RAB20: variants seen among roughly 807,000 people sequenced by gnomAD.
RAB20 encodes RAB20, member RAS oncogene family.
In RAB20, 2 loss-of-function variants were observed where a neutral mutation model predicts 3.7. The ratio of observed to expected loss-of-function variants is 0.54; its 90% CI spans 0.22 to 1.69. The LOEUF is 1.69. RAB20 is among the 40% of genes most tolerant of loss of function. The pLI, the probability that RAB20 is intolerant of heterozygous loss-of-function variation, is 0.19. For missense variants in RAB20, 276 were observed against 311.9 expected, an observed-to-expected ratio of 0.88 and a Z score of 0.87; for synonymous variants, 126 against 130.8, an observed-to-expected ratio of 0.96 and a Z score of 0.25.
rs331602 is a variant in RAB20, at chr13:110,555,308, C to T, written c.172+6040G>A. 0.22 allele frequency among the ~76,000 whole-genome samples: 33,234 copies of T among 152,156 alleles called. 3,744 individuals carry two copies. Among genetic ancestry groups the T allele is most frequent in the Middle Eastern group, 0.3 (87 of 294 alleles). ...AAATGAGGCTTGAATTCCTCTTCCA[C>T]GTGACAACCTTCCAACACTCAAAAA... On this transcript the variant is annotated intron_variant, in intron 1 of 1. Transcript: ENST00000267328. This position sits in a 1 kb window ranked among gnomAD's most constrained non-coding sequence, Gnocchi z 4.0.
chr13:110,538,253 A>G (rs559401567), intron 1 of RAB20, among the ~76,000 whole-genome samples: 35 of 150,088 alleles, frequency 2.3e-4, no homozygotes, highest in South Asian at 4.2e-4. Flanking sequence ...AAAAAAAAAA[A>G]AAAGAAAGAA....
rs150596161 is a variant in RAB20 at position 110,539,426 on chromosome 13, T to C, written c.173-15229A>G. On this transcript the variant is annotated intron_variant, in intron 1 of 1. Coordinates refer to ENST00000267328, the MANE Select transcript of RAB20 (RefSeq NM_017817.3). The stretch of plus-strand genomic sequence containing the variant: ...CTTTTTTCCTTTTTGAAAAAAAGAG[T>C]CCAAACCTAAAACTATTTCCAGTTA... 1.6e-3 allele frequency among the ~76,000 whole-genome samples: 250 copies of C among 152,188 alleles called. 4 individuals are homozygous for C. The East Asian group carries it at 0.043, about 26-fold the overall frequency.
At chr13:110,528,347 C>T (rs1233489342) in intron 1 of RAB20, among the ~76,000 whole-genome samples, 4 of 137,260 alleles carry the variant, frequency 2.9e-5, no homozygotes, top group African/African-American at 1.1e-4. Context: ...ACCTGGGAGG[C>T]GGAGGTTGCG....
In RAB20 at chr13:110,526,004, C is replaced by T. The variant is rs146296707; in HGVS notation, c.173-1807G>A. On this transcript the variant is annotated intron_variant, in intron 1 of 1. Coordinates refer to ENST00000267328, the MANE Select transcript of RAB20 (RefSeq NM_017817.3). ...AGCACCTGCTCCCAACCACACCTGCCGGGGGCACGCTTTCGAAGAGGAATG... is the reference window on the plus strand; with the variant it reads ...AGCACCTGCTCCCAACCACACCTGCTGGGGGCACGCTTTCGAAGAGGAATG... 4.0e-3 allele frequency among the ~76,000 whole-genome samples: 611 copies of T among 152,342 alleles called. 2 individuals carry two copies. The highest frequency in any genetic ancestry group is 5.1e-3 in the Non-Finnish European group (349 of 68,034).
At chr13:110,527,564 G>A (rs570990729) in intron 1 of RAB20, among the ~76,000 whole-genome samples, 17 of 152,156 alleles carry the variant, frequency 1.1e-4, no homozygotes, top group South Asian at 2.1e-4. Flanking sequence ...TTGTTTGGGC[G>A]ACAGAGCCAC....
At chr13:110,553,606 G>A (rs1385280341) in intron 1 of RAB20, among the ~76,000 whole-genome samples, 2 of 152,200 alleles carry the variant, frequency 1.3e-5, no homozygotes, top group African/African-American at 4.8e-5. Context: ...ATGTGCATGT[G>A]GCTGTGCCAA....
At chr13:110,539,801 C>T (rs1331837064) in intron 1 of RAB20, among the ~76,000 whole-genome samples, 1 of 152,144 alleles carries the variant, frequency 6.6e-6, no homozygotes, top group Non-Finnish European at 1.5e-5. Context: ...CTCAGGTGAT[C>T]CACCCGCCTC....
At chr13:110,538,123 C>T (rs1884681039) in intron 1 of RAB20, among the ~76,000 whole-genome samples, 1 of 151,466 alleles carries the variant, frequency 6.6e-6, no homozygotes, top group Non-Finnish European at 1.5e-5. Context: ...CCTATAGGCC[C>T]AGCTACTTGG....
intron 1 of RAB20, 113 bp downstream of exon 1, chr13:110,561,235 T>G (rs13313297): frequency 7.6e-7 from 1 of 1,317,738 alleles, no homozygotes; most frequent in Non-Finnish European, 9.9e-7. Flanking sequence ...AAGGAGGCAT[T>G]TGCTGTCCGA....
intron 1 of RAB20, among the ~76,000 whole-genome samples, chr13:110,552,910 C>T (rs1884980561): frequency 6.6e-6 from 1 of 152,176 alleles, no homozygotes; most frequent in Non-Finnish European, 1.5e-5. Context: ...GATTCCCAGG[C>T]GCCACTCCAG....
chr13:110,549,524 T>C (rs942060980), intron 1 of RAB20, among the ~76,000 whole-genome samples: 4 of 152,218 alleles, frequency 2.6e-5, no homozygotes, highest in Non-Finnish European at 4.4e-5. Context: ...TCTTTCTCTC[T>C]GACCTTCTCC....
intron 1 of RAB20, among the ~76,000 whole-genome samples, chr13:110,534,792 AAT>A (rs905342752): frequency 2.0e-5 from 3 of 152,200 alleles, no homozygotes; most frequent in African/African-American, 7.2e-5. Flanking sequence ...AAATAGGAAA[AAT>A]ATGATTTCCA....
intron 1 of RAB20, among the ~76,000 whole-genome samples, chr13:110,552,632 G>A (rs368326266): frequency 6.6e-6 from 1 of 151,814 alleles, no homozygotes; most frequent in East Asian, 1.9e-4. Context: ...GGCGGAGCTT[G>A]CAGTGAGCCA....
chr13:110,560,447 C>T (rs973599096), intron 1 of RAB20, among the ~76,000 whole-genome samples: 1 of 152,102 alleles, frequency 6.6e-6, no homozygotes, highest in Non-Finnish European at 1.5e-5. Context: ...GAATTCTGGA[C>T]GGGGCCTTTG....
intron 1 of RAB20, among the ~76,000 whole-genome samples, chr13:110,556,629 G>A (rs1885043504): frequency 6.6e-6 from 1 of 151,996 alleles, no homozygotes; most frequent in Non-Finnish European, 1.5e-5. Flanking sequence ...AACCTCCCAG[G>A]CTCAAGAAAT....
At chr13:110,553,888 G>C (rs9521839) in intron 1 of RAB20, among the ~76,000 whole-genome samples, 30,414 of 152,126 alleles carry the variant, frequency 0.2, 3,351 homozygotes, top group East Asian at 0.33. Flanking sequence ...GGCCAAGGTA[G>C]GAAGATCACT....
In RAB20 at chr13:110,558,694, GTTTTTTTTTTTT is replaced by G. The variant is rs67548367; in HGVS notation, c.172+2642_172+2653del. The stretch of plus-strand genomic sequence containing the variant: ...ACCGCGCAGCCCTGTCTTCCCATCT[GTTTTTTTTTTTT>G]TTTTTTTTTTTGAGACAGAGTCTCG... On this transcript the variant is annotated intron_variant, in intron 1 of 1. Coordinates refer to ENST00000267328, the MANE Select transcript of RAB20 (RefSeq NM_017817.3). Among the ~76,000 whole-genome samples, 3 of 50,892 alleles carry G rather than the reference GTTTTTTTTTTTT, an allele frequency of 5.9e-5. No homozygotes were observed. The Admixed American group carries it at 9.6e-4, about 16-fold the overall frequency. 33.4% of individuals were successfully genotyped at this position (50,892 alleles called of 152,430 possible). A position where few individuals can be genotyped will look rare whatever the true frequency, so the allele number is the denominator to read the frequency against.
intron 1 of RAB20, among the ~76,000 whole-genome samples, chr13:110,542,509 T>C (rs1884781589): frequency 6.6e-6 from 1 of 152,186 alleles, no homozygotes; most frequent in Non-Finnish European, 1.5e-5. Context: ...GCCAGCTCCT[T>C]GTAACCACCA....
At chr13:110,536,338 G>C (rs1449093981) in intron 1 of RAB20, among the ~76,000 whole-genome samples, 1 of 152,182 alleles carries the variant, frequency 6.6e-6, no homozygotes, top group Non-Finnish European at 1.5e-5. Flanking sequence ...TGGTGACTCA[G>C]ACCCCTACTA....
Sources: gnomAD v4.1 joint callset for allele counts (sites outside exome capture counted in the v4.1 genomes callset) on GRCh38, gnomAD v4.1.1 for gene constraint, Gnocchi (gnomAD v3.1) non-coding constraint, MANE v1.5 for transcripts, NCBI Gene and HGNC (gene_info 2026-07-23, HGNC 2026-07-21) for gene names.